The following ZNF791 variants were observed in gnomAD, a reference collection of about 807,000 sequenced individuals.
The protein encoded by ZNF791 is zinc finger protein 791.
ZNF791 carries 4 observed loss-of-function variants against 11.5 expected under a neutral mutation model. The observed-to-expected ratio is 0.35, with a 90% CI of 0.17 to 0.80. The LOEUF is 0.80. Ranked by LOEUF, ZNF791 falls within the 30% of genes least tolerant of loss-of-function variation. The pLI, the probability that ZNF791 is intolerant of heterozygous loss-of-function variation, is 0.53. For synonymous variants in ZNF791, 212 were observed against 228.1 expected (o/e 0.93, Z 0.64); for missense variants, 559 against 699.4 (o/e 0.80, Z 2.26).
At chr19:12,615,228 C>T (rs1036576083) in intron 1 of ZNF791, among the ~76,000 whole-genome samples, 38 of 151,826 alleles carry the variant, frequency 2.5e-4, no homozygotes, top group Admixed American at 4.6e-4. Context: ...ATTGCCCAGG[C>T]TGGTCTGGAA....
intron 1 of ZNF791, among the ~76,000 whole-genome samples, chr19:12,616,673 A>G (rs540343455): frequency 5.9e-5 from 9 of 152,326 alleles, no homozygotes; most frequent in Admixed American, 1.3e-4. Flanking sequence ...ACCCTGGGCA[A>G]CAGAGCAAGA....
Position 12,628,515 on chromosome 19 carries a change from A to C in ZNF791, c.986A>C (p.Lys329Thr), listed in dbSNP as rs2023460047. Reference sequence around the variant, plus strand: ...ATTCATACTGGAGAGAAGCCCTATAAATGTAAAGAATGTGGGAAATCTTTC... The same window carrying C: ...ATTCATACTGGAGAGAAGCCCTATACATGTAAAGAATGTGGGAAATCTTTC... ...ERIHTGEKPY[K>T]CKECGKSFSA... The change falls in exon 4 of 4, where the codon AAA becomes ACA. Residue 329 changes from lysine (K) to threonine (T), a missense_variant. Transcript: ENST00000343325. 1.2e-6 allele frequency: 2 copies of C among 1,608,398 alleles called. No individual in the cohort carries two copies. The highest frequency in any genetic ancestry group is 1.7e-6 in the Non-Finnish European group (2 of 1,177,826).
chr19:12,619,866 TTTTA>T (rs968843532), intron 1 of ZNF791, among the ~76,000 whole-genome samples: 3 of 151,682 alleles, frequency 2.0e-5, no homozygotes, highest in African/African-American at 7.2e-5. Flanking sequence ...TTTTTTTTCT[TTTTA>T]TTATTTAGTA....
At position 12,629,276 on chromosome 19, in the gene ZNF791, G is replaced by A. The variant is rs769477942; in HGVS notation, c.*16G>A. The A allele has an allele frequency of 3.5e-6, 5 of 1,418,104 alleles. No individual in the cohort carries two copies. In the Admixed American group the frequency reaches 1.3e-4, roughly 37 times the overall value. 87.8% of individuals were successfully genotyped at this position (1,418,104 alleles called of 1,614,324 possible). A position where few individuals can be genotyped will look rare whatever the true frequency, so the allele number is the denominator to read the frequency against. On this transcript the variant is annotated 3_prime_UTR_variant, in exon 4 of 4. Transcript: ENST00000343325. ...CAATCGATAGAAACTCTATAAATGT[G>A]AGAAATAGGAGAAAGTTTTCAATTC...
chr19:12,621,573 G>T (rs937984320), intron 1 of ZNF791, among the ~76,000 whole-genome samples: 3 of 151,580 alleles, frequency 2.0e-5, no homozygotes, highest in African/African-American at 7.3e-5. Context: ...GAGTGCTTCT[G>T]ATGGCCTCAA....
At chr19:12,623,319 T>C (rs1413510056) in intron 1 of ZNF791, 1 of 188,900 alleles carries the variant, frequency 5.3e-6, no homozygotes. Context: ...GGTTGGAGGA[T>C]TGCTTGAGCC....
intron 1 of ZNF791, 53 bp from the exon 2 acceptor site, chr19:12,623,647 A>G (rs1450048758): frequency 3.1e-6 from 5 of 1,606,020 alleles, no homozygotes; most frequent in African/African-American, 1.3e-5. Flanking sequence ...AATTGAGGAT[A>G]CCTCTCATCC....
intron 3 of ZNF791, 51 bp from the exon 4 acceptor site, chr19:12,627,670 A>G (rs2023448689): frequency 6.9e-7 from 1 of 1,453,680 alleles, no homozygotes; most frequent in East Asian, 2.3e-5. Context: ...GATAATACAT[A>G]TAAAATCATT....
chr19:12,626,376 C>T (rs1286277324), intron 3 of ZNF791, among the ~76,000 whole-genome samples: 1 of 151,754 alleles, frequency 6.6e-6, no homozygotes, highest in Admixed American at 6.6e-5. Context: ...GTCTCGATCT[C>T]CTGACCTCGT....
chr19:12,621,955 C>T (rs1430300859), intron 1 of ZNF791, among the ~76,000 whole-genome samples: 1 of 126,544 alleles, frequency 7.9e-6, no homozygotes, highest in Non-Finnish European at 1.8e-5. Context: ...CGGATGGTTG[C>T]CGTGTCTGTG....
intron 1 of ZNF791, chr19:12,623,351 A>G (rs8104490): frequency 0.57 from 125,609 of 219,894 alleles, 38,205 homozygotes; most frequent in Non-Finnish European, 0.67. Context: ...GCTCCAATGA[A>G]CTGTGATTGT....
At chr19:12,621,609 A>T (rs1167713850) in intron 1 of ZNF791, among the ~76,000 whole-genome samples, 1 of 150,956 alleles carries the variant, frequency 6.6e-6, no homozygotes, top group Non-Finnish European at 1.5e-5. Context: ...ATAGGCAGCT[A>T]GACCTTCTTA....
Position 12,631,270 on chromosome 19 carries a change from G to A in ZNF791, c.*2010G>A, listed in dbSNP as rs2023498604. On this transcript the variant is annotated 3_prime_UTR_variant, in exon 4 of 4. Transcript: ENST00000343325. ...ATAGACTGTACCATATAGTCTAGATGTGTTGTAGCTATACCATCTAGATTT... is the reference window on the plus strand; with the variant it reads ...ATAGACTGTACCATATAGTCTAGATATGTTGTAGCTATACCATCTAGATTT... The A allele has an allele frequency of 6.6e-6, 1 of 152,196 alleles. No homozygotes were observed. Among genetic ancestry groups the A allele is most frequent in the African/African-American group, 2.4e-5 (1 of 41,438 alleles). 9.4% of individuals were successfully genotyped at this position (152,196 alleles called of 1,614,324 possible).
chr19:12,621,310 A>G (rs548783180), intron 1 of ZNF791, among the ~76,000 whole-genome samples: 2 of 152,272 alleles, frequency 1.3e-5, no homozygotes, highest in African/African-American at 4.8e-5. Context: ...GCTCATGGGT[A>G]TAACGATTTT....
At position 12,628,674 on chromosome 19, in the gene ZNF791, A is replaced by T; in HGVS notation, c.1145A>T (p.Lys382Ile). Residue 382 changes from lysine (K) to isoleucine (I), a missense_variant, in exon 4 of 4, where the codon AAA (lysine) becomes ATA (isoleucine). Transcript: ENST00000343325. ...RIHERTHTGE[K>I]PYECKKCGKT... ...CATGAAAGGACTCACACTGGAGAGA[A>T]ACCCTACGAATGTAAAAAATGTGGG... 1 of 1,602,832 alleles carries T rather than the reference A, an allele frequency of 6.2e-7. No individual in the cohort carries two copies.
At chr19:12,618,845 G>A (rs149750512) in intron 1 of ZNF791, among the ~76,000 whole-genome samples, 2 of 93,958 alleles carry the variant, frequency 2.1e-5, no homozygotes, top group Non-Finnish European at 4.9e-5. Flanking sequence ...GTGTGTGTGT[G>A]TGTGTATTTA....
At chr19:12,614,995 T>TA (rs1194240429) in intron 1 of ZNF791, among the ~76,000 whole-genome samples, 1 of 132,534 alleles carries the variant, frequency 7.5e-6, no homozygotes, top group Non-Finnish European at 1.6e-5. Flanking sequence ...CCTCCCACCT[T>TA]AGTCTCCTAT....
rs1362898978 is a variant in ZNF791 at position 12,633,094 on chromosome 19, C to CAAAT, written c.*3850_*3853dup. ...TGGGCAGCAGAACGAGACTCCATCT[C>CAAAT]AAATAAATAAATAAATAAAATGAAT... is the stretch of plus-strand genomic sequence containing the variant. On this transcript the variant is annotated 3_prime_UTR_variant, in exon 4 of 4. Transcript: ENST00000343325. The CAAAT allele has an allele frequency of 6.6e-6, 1 of 152,060 alleles. No individual in the cohort carries two copies. Among genetic ancestry groups the CAAAT allele is most frequent in the Admixed American group, 6.6e-5 (1 of 15,244 alleles). The allele number at this position is 152,060 out of a possible 1,614,324, so 9.4% of individuals were successfully genotyped here.
intron 3 of ZNF791, among the ~76,000 whole-genome samples, chr19:12,625,627 A>C (rs1354320798): frequency 1.3e-5 from 2 of 149,886 alleles, no homozygotes; most frequent in Admixed American, 6.7e-5. Context: ...TCTACTAAAA[A>C]TACAAAAATT....
Sources: allele counts gnomAD v4.1 joint callset (sites outside exome capture counted in the v4.1 genomes callset), GRCh38; gene constraint gnomAD v4.1.1; transcripts MANE v1.5; gene names NCBI Gene and HGNC (gene_info 2026-07-23, HGNC 2026-07-21).